Variants in RSPO2 observed in about 807,000 individuals in gnomAD.
The protein encoded by RSPO2 is R-spondin 2, also known as R-spondin-2.
In RSPO2, 14 loss-of-function variants were observed where a neutral mutation model predicts 30.9. That is an observed-to-expected ratio of 0.45 (90% CI 0.30 to 0.71). The LOEUF (loss-of-function observed/expected upper bound fraction) is 0.71, where lower values mean the gene tolerates loss of function less well. Among genes scored for constraint, RSPO2 ranks in the 30% least tolerant of loss-of-function variants. The probability of loss-of-function intolerance (pLI) is 0.08; values close to 1 mark genes in which losing one functional copy is unlikely to be tolerated. For synonymous variants in RSPO2, 107 were observed against 96.4 expected (o/e 1.11, Z -0.64); for missense variants, 264 against 301.9 (o/e 0.87, Z 0.93).
intron 2 of RSPO2, among the ~76,000 whole-genome samples, chr8:108,047,315 C>T (rs1182664188): frequency 6.6e-6 from 1 of 152,204 alleles, no homozygotes; most frequent in Non-Finnish European, 1.5e-5. Flanking sequence ...CTTCATATGT[C>T]AGAGGCCATG....
chr8:107,946,093 G>T (rs1192822075), intron 5 of RSPO2, among the ~76,000 whole-genome samples: 1 of 152,218 alleles, frequency 6.6e-6, no homozygotes, highest in African/African-American at 2.4e-5. Flanking sequence ...GCACTGAGAT[G>T]TAAGACTGGG....
chr8:108,065,464 A>T (rs968499274), intron 2 of RSPO2, among the ~76,000 whole-genome samples: 1 of 152,094 alleles, frequency 6.6e-6, no homozygotes, highest in Non-Finnish European at 1.5e-5. Flanking sequence ...CTCAATAGGC[A>T]TTCGTGTGAA....
At chr8:108,069,656 A>G (rs1161550865) in intron 2 of RSPO2, among the ~76,000 whole-genome samples, 5 of 152,166 alleles carry the variant, frequency 3.3e-5, no homozygotes, top group Non-Finnish European at 4.4e-5. Flanking sequence ...CATATTATGC[A>G]AAAGTGTGGT....
At chr8:108,027,351 C>A (rs757437843) in intron 2 of RSPO2, among the ~76,000 whole-genome samples, 1 of 152,102 alleles carries the variant, frequency 6.6e-6, no homozygotes, top group African/African-American at 2.4e-5. Flanking sequence ...TGGTTCATTC[C>A]GTCTCTTAGT....
intron 5 of RSPO2, among the ~76,000 whole-genome samples, chr8:107,925,081 T>C (rs901943748): frequency 3.3e-5 from 5 of 152,062 alleles, no homozygotes; most frequent in African/African-American, 1.2e-4. Context: ...GTTATAAAGT[T>C]ATCTTTTATG....
chr8:108,030,452 C>T (rs1396304412), intron 2 of RSPO2, among the ~76,000 whole-genome samples: 1 of 152,192 alleles, frequency 6.6e-6, no homozygotes, highest in African/African-American at 2.4e-5. Context: ...TAAATGACTT[C>T]ATGGGCCACA....
intron 5 of RSPO2, among the ~76,000 whole-genome samples, chr8:107,946,992 G>A (rs957988238): frequency 4.6e-5 from 7 of 152,170 alleles, no homozygotes; most frequent in African/African-American, 1.2e-4. Flanking sequence ...AAGCAGAACC[G>A]GTCAAGGGAT....
At chr8:108,003,912 C>T (rs888660724) in intron 2 of RSPO2, among the ~76,000 whole-genome samples, 5 of 152,158 alleles carry the variant, frequency 3.3e-5, no homozygotes, top group African/African-American at 1.2e-4. Context: ...ATATGTACAG[C>T]ACCTAGGGGA....
chr8:107,982,217 T>A (rs1814466958), intron 3 of RSPO2, among the ~76,000 whole-genome samples: 1 of 152,154 alleles, frequency 6.6e-6, no homozygotes, highest in Admixed American at 6.6e-5. Context: ...ACAGATGATT[T>A]TCCAAAGTAC....
chr8:107,914,462 T>TAA lies in RSPO2; in HGVS notation c.617-13274_617-13273dup, dbSNP rs35990028. Among the ~76,000 whole-genome samples, 1,233 of 142,914 alleles carry TAA rather than the reference T, an allele frequency of 8.6e-3. 10 individuals are homozygous for TAA. Among genetic ancestry groups the TAA allele is most frequent in the African/African-American group, 0.028 (1,084 of 39,154 alleles). The allele number at this position is 142,914 out of a possible 152,430, so 93.8% of individuals were successfully genotyped here. On this transcript the variant is annotated intron_variant, in intron 5 of 5. Coordinates refer to ENST00000276659, the MANE Select transcript of RSPO2 (RefSeq NM_178565.5). The stretch of plus-strand genomic sequence containing the variant: ...AAGATGTCAATGCTCACAGAATAGG[T>TAA]AAAAAAAAAAAAATACCTTTTAACA...
intron 5 of RSPO2, among the ~76,000 whole-genome samples, chr8:107,933,181 C>T (rs1369525220): frequency 2.0e-5 from 3 of 152,146 alleles, no homozygotes; most frequent in South Asian, 2.1e-4. Flanking sequence ...TACATAGGTA[C>T]ACCTCTCCAA....
At chr8:107,937,247 G>A (rs2130363847) in intron 5 of RSPO2, among the ~76,000 whole-genome samples, 1 of 148,488 alleles carries the variant, frequency 6.7e-6, no homozygotes, top group Middle Eastern at 3.4e-3. Context: ...TATTGAAGAG[G>A]CTCTCCTCTC....
intron 2 of RSPO2, among the ~76,000 whole-genome samples, chr8:108,064,000 C>T (rs1433944146): frequency 6.6e-6 from 1 of 152,152 alleles, no homozygotes; most frequent in Non-Finnish European, 1.5e-5. Context: ...AGCTGGATCC[C>T]TTCCTTACCC....
chr8:107,973,405 G>T (rs1814078568), intron 3 of RSPO2, among the ~76,000 whole-genome samples: 1 of 151,862 alleles, frequency 6.6e-6, no homozygotes, highest in Non-Finnish European at 1.5e-5. Flanking sequence ...GCACAATGCA[G>T]GTTTGACCTA....
At chr8:108,048,645 G>A (rs1811979586) in intron 2 of RSPO2, among the ~76,000 whole-genome samples, 2 of 152,012 alleles carry the variant, frequency 1.3e-5, no homozygotes, top group African/African-American at 2.4e-5. Flanking sequence ...ATTTTTTGAA[G>A]GGTTTTTTGT....
chr8:108,075,231 A>G lies in RSPO2; in HGVS notation c.94+7314T>C, dbSNP rs1317418780. ...CACGGTGGCTCACGCCTGTAATCCC[A>G]GCATTTTGGGAGGCCAAGGCGGGAG... On this transcript the variant is annotated intron_variant, in intron 2 of 5. Coordinates refer to ENST00000276659, the MANE Select transcript of RSPO2 (RefSeq NM_178565.5). Among the ~76,000 whole-genome samples the G allele has an allele frequency of 2.6e-5, 4 of 152,334 alleles. No individual in the cohort carries two copies. In the East Asian group the frequency reaches 5.8e-4, roughly 22 times the overall value.
At position 107,970,366 on chromosome 8, in the gene RSPO2, G is replaced by C. The variant is rs543170698; in HGVS notation, c.284-9549C>G. Reference sequence around the variant, plus strand: ...CTTAGCTTAAGGGCCCTAACAAAAAGATAGCAGTCCAAATTTTGCCCTTGG... The same window carrying C: ...CTTAGCTTAAGGGCCCTAACAAAAACATAGCAGTCCAAATTTTGCCCTTGG... On this transcript the variant is annotated intron_variant, in intron 3 of 5. Coordinates refer to ENST00000276659, the MANE Select transcript of RSPO2 (RefSeq NM_178565.5). Among the ~76,000 whole-genome samples the C allele has an allele frequency of 1.4e-4, 21 of 152,232 alleles. No individual in the cohort carries two copies. In the South Asian group the frequency reaches 4.1e-3, roughly 30 times the overall value.
intron 2 of RSPO2, among the ~76,000 whole-genome samples, chr8:108,050,439 A>G (rs1192101311): frequency 6.6e-6 from 1 of 152,186 alleles, no homozygotes; most frequent in Non-Finnish European, 1.5e-5. Context: ...AAAAATAAGT[A>G]ATAAAGGTAT....
chr8:107,927,025 T>C (rs1193441129), intron 5 of RSPO2, among the ~76,000 whole-genome samples: 1 of 152,220 alleles, frequency 6.6e-6, no homozygotes, highest in African/African-American at 2.4e-5. Context: ...TTCCTATCCA[T>C]GAGCATGGAA....
Sources: gnomAD v4.1 joint callset for allele counts (sites outside exome capture counted in the v4.1 genomes callset) on GRCh38, gnomAD v4.1.1 for gene constraint, MANE v1.5 for transcripts, NCBI Gene and HGNC (gene_info 2026-07-23, HGNC 2026-07-21) for gene names.